Variants in TANGO6 observed in about 807,000 individuals in gnomAD.
TANGO6 encodes transport and golgi organization 6 homolog, also known as transport and Golgi organization protein 6 homolog.
A neutral mutation model predicts 114.2 loss-of-function variants in TANGO6; 90 were observed. The ratio of observed to expected loss-of-function variants is 0.79; its 90% confidence interval spans 0.66 to 0.94. TANGO6 has a LOEUF of 0.94. Ranked by LOEUF, TANGO6 falls within the 40% of genes least tolerant of loss-of-function variation. The pLI, the probability that TANGO6 is intolerant of heterozygous loss-of-function variation, is 0.00. For synonymous variants in TANGO6, 477 were observed against 509.8 expected, an observed-to-expected ratio of 0.94 and a Z score of 0.87; for missense variants, 1,274 against 1,315.3, an observed-to-expected ratio of 0.97 and a Z score of 0.49.
At chr16:68,849,433 T>C (rs899353180) in intron 1 of TANGO6, among the ~76,000 whole-genome samples, 13 of 151,948 alleles carry the variant, frequency 8.6e-5, no homozygotes, top group African/African-American at 3.1e-4. Context: ...GCCCAGGAGT[T>C]CAAGACTACC....
At chr16:68,994,479 T>C in intron 15 of TANGO6, among the ~76,000 whole-genome samples, 1 of 152,114 alleles carries the variant, frequency 6.6e-6, no homozygotes. Context: ...TTCAAATCTT[T>C]CTCTTATTCT....
intron 16 of TANGO6, among the ~76,000 whole-genome samples, chr16:69,036,280 T>A (rs1355306947): frequency 1.3e-5 from 2 of 152,172 alleles, no homozygotes; most frequent in African/African-American, 4.8e-5. Flanking sequence ...ACAAGGGGTC[T>A]GTCCCATTGG....
At chr16:68,854,065 C>T (rs1013810009) in intron 1 of TANGO6, among the ~76,000 whole-genome samples, 1 of 152,108 alleles carries the variant, frequency 6.6e-6, no homozygotes, top group Non-Finnish European at 1.5e-5. Context: ...CTATCTGTGG[C>T]TTGCCTTTTC....
chr16:68,910,716 G>A (rs560365814), intron 11 of TANGO6, among the ~76,000 whole-genome samples: 8 of 152,200 alleles, frequency 5.3e-5, no homozygotes, highest in East Asian at 3.9e-4. Flanking sequence ...TGTCTCTGTC[G>A]CCCAGGCTGG....
At chr16:68,968,705 C>T (rs1249845449) in intron 14 of TANGO6, among the ~76,000 whole-genome samples, 6 of 121,144 alleles carry the variant, frequency 5.0e-5, no homozygotes, top group Admixed American at 9.0e-5. Context: ...GAGTCTTGCT[C>T]TGTCGCCCAG....
At chr16:68,942,697 A>T (rs192576816) in intron 14 of TANGO6, among the ~76,000 whole-genome samples, 2 of 152,218 alleles carry the variant, frequency 1.3e-5, no homozygotes, top group Admixed American at 1.3e-4. Flanking sequence ...ATGTCAGGCC[A>T]TAATGGCAGA....
chr16:68,993,691 T>G (rs981171634), intron 15 of TANGO6, among the ~76,000 whole-genome samples: 1 of 152,248 alleles, frequency 6.6e-6, no homozygotes, highest in African/African-American at 2.4e-5. Flanking sequence ...TGGTCATGCT[T>G]TAATGAGTTT....
chr16:68,914,878 G>GT (rs112117841), intron 11 of TANGO6, among the ~76,000 whole-genome samples: 24,244 of 141,178 alleles, frequency 0.17, 2,112 homozygotes, highest in African/African-American at 0.22. Flanking sequence ...AGTTCCCTGG[G>GT]TTTTTTTTTT....
At chr16:69,047,486 A>G (rs1350244897) in intron 17 of TANGO6, among the ~76,000 whole-genome samples, 1 of 144,764 alleles carries the variant, frequency 6.9e-6, no homozygotes, top group African/African-American at 2.5e-5. Context: ...ATCTCAAAGG[A>G]AAAAAAAAAA....
At position 69,068,744 on chromosome 16, in the gene TANGO6, G is replaced by A. The variant is rs150177734; in HGVS notation, c.3109-14741G>A. Among the ~76,000 whole-genome samples, 34 of 152,182 alleles carry A rather than the reference G, an allele frequency of 2.2e-4. No homozygotes were observed. In the East Asian group the frequency reaches 3.3e-3, roughly 15 times the overall value. ...TGTTGTTGTTTTGAGATGGAGTCTC[G>A]CTCTTGTCGCCCAGGCTGGAGTGCG... On this transcript the variant is annotated intron_variant, in intron 17 of 17. Coordinates refer to ENST00000261778, the MANE Select transcript of TANGO6 (RefSeq NM_024562.2).
At chr16:68,954,249 C>CAAAAA (rs552507549) in intron 14 of TANGO6, among the ~76,000 whole-genome samples, 2 of 60,142 alleles carry the variant, frequency 3.3e-5, no homozygotes, top group African/African-American at 5.6e-5. Flanking sequence ...GACTCCATCT[C>CAAAAA]AAAAAAAAAA....
intron 14 of TANGO6, among the ~76,000 whole-genome samples, chr16:68,944,186 CA>C (rs1963389570): frequency 1.3e-5 from 2 of 152,078 alleles, no homozygotes; most frequent in Admixed American, 6.6e-5. Context: ...GCTGGAATCT[CA>C]AAATATATCT....
intron 16 of TANGO6, among the ~76,000 whole-genome samples, chr16:69,027,289 T>C (rs927762232): frequency 6.6e-6 from 1 of 152,244 alleles, no homozygotes; most frequent in African/African-American, 2.4e-5. Context: ...TATATTTTGC[T>C]TTATTTGGTT....
At chr16:68,927,179 G>A (rs1363718088) in intron 12 of TANGO6, among the ~76,000 whole-genome samples, 25 of 152,082 alleles carry the variant, frequency 1.6e-4, no homozygotes, top group Admixed American at 1.5e-3. Context: ...ACTGCGTAGG[G>A]TATTGGGTGA....
intron 14 of TANGO6, among the ~76,000 whole-genome samples, chr16:68,946,360 T>G (rs1254815480): frequency 6.6e-6 from 1 of 151,774 alleles, no homozygotes; most frequent in Non-Finnish European, 1.5e-5. Flanking sequence ...CCCGGCTAAT[T>G]TTTTTGTATT....
At chr16:68,940,619 C>T (rs1963343489) in intron 14 of TANGO6, among the ~76,000 whole-genome samples, 1 of 145,804 alleles carries the variant, frequency 6.9e-6, no homozygotes, top group South Asian at 2.1e-4. Context: ...ATACATCAGG[C>T]CGACAGGCAC....
chr16:68,966,519 AAAAT>A (rs553887186), intron 14 of TANGO6, among the ~76,000 whole-genome samples: 1 of 148,040 alleles, frequency 6.8e-6, no homozygotes, highest in Non-Finnish European at 1.5e-5. Context: ...AAAATAAAAT[AAAAT>A]AAATAAATAA....
intron 5 of TANGO6, among the ~76,000 whole-genome samples, chr16:68,876,786 A>G (rs945393404): frequency 6.6e-6 from 1 of 152,082 alleles, no homozygotes; most frequent in Non-Finnish European, 1.5e-5. Context: ...GCACCAATGC[A>G]CTCCAGCCCG....
At chr16:68,891,306 A>AAG (rs1272010847) in intron 7 of TANGO6, among the ~76,000 whole-genome samples, 18 of 151,412 alleles carry the variant, frequency 1.2e-4, no homozygotes, top group Non-Finnish European at 1.6e-4. Context: ...AAAAAAAAAA[A>AAG]AAAGAAATTA....
Sources: allele counts gnomAD v4.1 joint callset (sites outside exome capture counted in the v4.1 genomes callset), GRCh38; gene constraint gnomAD v4.1.1; transcripts MANE v1.5; gene names NCBI Gene and HGNC (gene_info 2026-07-23, HGNC 2026-07-21).